SMG1: variants seen among roughly 807,000 people sequenced by gnomAD.
The protein encoded by SMG1 is serine/threonine-protein kinase SMG1.
A neutral mutation model predicts 419.9 loss-of-function variants in SMG1; 22 were observed. That is an observed-to-expected ratio of 0.05 (90% CI 0.04 to 0.07). SMG1 has a LOEUF of 0.07. Ranked by LOEUF, SMG1 falls within the 10% of genes least tolerant of loss-of-function variation. SMG1 has a pLI of 1.00. For missense variants in SMG1, 3,185 were observed against 4,342.0 expected, an observed-to-expected ratio of 0.73 and a Z score of 7.49; for synonymous variants, 1,538 against 1,553.5, an observed-to-expected ratio of 0.99 and a Z score of 0.23.
Position 18,845,574 on chromosome 16 carries a change from C to G in SMG1, c.6074G>C (p.Arg2025Thr), listed in dbSNP as rs1305738377. 4 of 1,613,732 alleles carry G rather than the reference C, an allele frequency of 2.5e-6. No individual in the cohort carries two copies. In the African/African-American group the frequency reaches 5.3e-5, roughly 22 times the overall value. Reference sequence around the variant, plus strand: ...TTCTGCAGGAGCCGCTGTGATACTCCTCACATGCTCCAAAGCAAATACGAT... The same window carrying G: ...TTCTGCAGGAGCCGCTGTGATACTCGTCACATGCTCCAAAGCAAATACGAT... ...KPIVFALEHV[R>T]SITAAPAETP... Residue 2025 changes from arginine to threonine, a missense_variant, in exon 39 of 63, where the codon AGG (arginine) becomes ACG (threonine). By Grantham distance (71) the Arg-to-Thr change is moderately conservative. Transcript: ENST00000446231.
intron 39 of SMG1, 38 bp from the exon 40 acceptor site, chr16:18,842,492 A>G: frequency 6.3e-7 from 1 of 1,585,190 alleles, no homozygotes; most frequent in Non-Finnish European, 8.6e-7. Context: ...TTTACATTAC[A>G]TTAGAACACT....
intron 1 of SMG1, among the ~76,000 whole-genome samples, chr16:18,909,211 G>A (rs1250464277): frequency 6.6e-6 from 1 of 150,928 alleles, no homozygotes; most frequent in Non-Finnish European, 1.5e-5. Context: ...GTGTGGTGGT[G>A]CATGCCTGTA....
intron 38 of SMG1, among the ~76,000 whole-genome samples, chr16:18,847,168 A>G (rs1169366955): frequency 6.6e-6 from 1 of 152,208 alleles, no homozygotes; most frequent in African/African-American, 2.4e-5. Flanking sequence ...TGAGGTAGCT[A>G]AAATAGGCAA....
At chr16:18,909,764 A>G (rs2037718421) in intron 1 of SMG1, among the ~76,000 whole-genome samples, 1 of 152,204 alleles carries the variant, frequency 6.6e-6, no homozygotes, top group Non-Finnish European at 1.5e-5. Flanking sequence ...CATACTAGTA[A>G]GAACAGGAAA....
At chr16:18,876,654 C>T (rs1337846518) in intron 12 of SMG1, among the ~76,000 whole-genome samples, 14 of 114,366 alleles carry the variant, frequency 1.2e-4, no homozygotes, top group Admixed American at 3.4e-4. Flanking sequence ...ATGAAATTTC[C>T]GAAATGGCCG....
At chr16:18,925,326 C>A (rs1479306078) in intron 1 of SMG1, 2 of 152,184 alleles carry the variant, frequency 1.3e-5, no homozygotes, top group Non-Finnish European at 2.9e-5. Flanking sequence ...TTACGATTCA[C>A]CAGAGTAACC....
At chr16:18,873,239 CAG>C (rs1036476857) in intron 13 of SMG1, among the ~76,000 whole-genome samples, 30 of 152,048 alleles carry the variant, frequency 2.0e-4, no homozygotes, top group Admixed American at 2.0e-3. Flanking sequence ...TTTTTTGAGT[CAG>C]AGTCTCTTGC....
chr16:18,841,083 A>G (rs1309581394), intron 41 of SMG1, among the ~76,000 whole-genome samples: 1 of 152,088 alleles, frequency 6.6e-6, no homozygotes, highest in Non-Finnish European at 1.5e-5. Context: ...ACCAAAAAAA[A>G]GCAAACAACT....
At chr16:18,899,381 AAACT>A (rs2037259675) in intron 1 of SMG1, among the ~76,000 whole-genome samples, 1 of 152,180 alleles carries the variant, frequency 6.6e-6, no homozygotes, top group South Asian at 2.1e-4. Context: ...TAACAAAAAA[AAACT>A]AACTGGAATA....
In SMG1 at chr16:18,811,866, C is replaced by T. The variant is rs1246933793; in HGVS notation, c.10803G>A (p.Ala3601=). The T allele has an allele frequency of 6.8e-6, 11 of 1,613,560 alleles. No individual in the cohort carries two copies. The highest frequency in any genetic ancestry group is 6.7e-5 in the African/African-American group (5 of 74,884). Residue 3601 remains alanine, a splice_region_variant and synonymous_variant, in exon 62 of 63, where the codon GCG becomes GCA. Transcript: ENST00000446231. ...KAVRDPKTGK[A]VQERNSYAVS... ...CTGCATAGGAGTTTCTCTCTTGCAC[C>T]GCTATGAAGCAACAAAAACATACGT...
intron 1 of SMG1, chr16:18,924,835 T>C (rs1317945394): frequency 6.6e-6 from 1 of 152,146 alleles, no homozygotes; most frequent in Non-Finnish European, 1.5e-5. Context: ...TTCTAACGAG[T>C]CTTCAAATGT....
At chr16:18,884,935 T>A in intron 8 of SMG1, 155 bp downstream of exon 8, 2 of 623,118 alleles carry the variant, frequency 3.2e-6, no homozygotes, top group Non-Finnish European at 5.7e-6. Context: ...TGAAAATACA[T>A]ATTTAGCTAA....
At chr16:18,880,923 T>C (rs1393899417) in intron 10 of SMG1, among the ~76,000 whole-genome samples, 3 of 142,628 alleles carry the variant, frequency 2.1e-5, no homozygotes, top group Non-Finnish European at 4.5e-5. Flanking sequence ...GCCCAAGAGA[T>C]AGAGACTGCA....
At chr16:18,906,124 C>A (rs958013146) in intron 1 of SMG1, among the ~76,000 whole-genome samples, 1 of 152,048 alleles carries the variant, frequency 6.6e-6, no homozygotes, top group South Asian at 2.1e-4. Flanking sequence ...CATTCCCATT[C>A]TCTTCAAATT....
chr16:18,839,573 ACG>A (rs2033791632), intron 42 of SMG1, 123 bp downstream of exon 42: 1 of 1,242,162 alleles, frequency 8.1e-7, no homozygotes, highest in Non-Finnish European at 1.1e-6. Flanking sequence ...ACTCAAATAT[ACG>A]TCTCAAACTA....
At chr16:18,820,041 C>T (rs886542423) in intron 55 of SMG1, among the ~76,000 whole-genome samples, 27 of 152,170 alleles carry the variant, frequency 1.8e-4, no homozygotes, top group African/African-American at 5.8e-4. Flanking sequence ...TCTCAGCTCA[C>T]TGCAACCTCT....
chr16:18,903,616 A>AT (rs1323198838), intron 1 of SMG1, among the ~76,000 whole-genome samples: 1 of 152,240 alleles, frequency 6.6e-6, no homozygotes, highest in African/African-American at 2.4e-5. Context: ...AGCAGTTTAC[A>AT]TACGTTTATC....
rs2038386778 is a variant in SMG1, at chr16:18,925,947, C to A, written c.92+3G>T. 1.9e-6 allele frequency: 3 copies of A among 1,553,676 alleles called. No individual in the cohort carries two copies. Among genetic ancestry groups the A allele is most frequent in the South Asian group, 2.4e-5 (2 of 85,018 alleles). On this transcript the variant is annotated splice_donor_region_variant and intron_variant, in intron 1 of 62. Coordinates refer to ENST00000446231, the MANE Select transcript of SMG1 (RefSeq NM_015092.5). ...GGGGCGGGGTCCCGGGCCGGTCACC[C>A]ACCTGGGTTGCCAGTCATTCCAGCT...
intron 1 of SMG1, among the ~76,000 whole-genome samples, chr16:18,920,091 A>T (rs1046059544): frequency 4.1e-5 from 5 of 122,918 alleles, no homozygotes; most frequent in Non-Finnish European, 8.9e-5. Flanking sequence ...ACTATGTCTT[A>T]AAAAAAAAGG....
Sources: gnomAD v4.1 joint callset for allele counts (sites outside exome capture counted in the v4.1 genomes callset) on GRCh38, gnomAD v4.1.1 for gene constraint, MANE v1.5 for transcripts, NCBI Gene and HGNC (gene_info 2026-07-23, HGNC 2026-07-21) for gene names.